The following CDR2 variants were observed in gnomAD, a reference collection of about 807,000 sequenced individuals.
The protein encoded by CDR2 is cerebellar degeneration related protein 2.
In CDR2, 34 loss-of-function variants were observed where a neutral mutation model predicts 48.4. The observed-to-expected ratio is 0.70, with a 90% CI of 0.53 to 0.94. The LOEUF (loss-of-function observed/expected upper bound fraction) is 0.94. Ranked by LOEUF, CDR2 falls within the 40% of genes least tolerant of loss-of-function variation. CDR2 has a pLI of 0.00. For missense variants in CDR2, 498 were observed against 549.5 expected (o/e 0.91, Z 0.94); for synonymous variants, 240 against 219.7 (o/e 1.09, Z -0.82).
At chr16:22,373,906 C>T (rs547957385) in intron 1 of CDR2, among the ~76,000 whole-genome samples, 8 of 152,362 alleles carry the variant, frequency 5.3e-5, no homozygotes, top group Admixed American at 5.2e-4. Context: ...GACACACTGG[C>T]TCACCCGGGT....
At chr16:22,368,509 C>T (rs1285053503) in intron 1 of CDR2, among the ~76,000 whole-genome samples, 3 of 152,212 alleles carry the variant, frequency 2.0e-5, no homozygotes, top group Non-Finnish European at 4.4e-5. Context: ...CTGCCCCCAG[C>T]CTACTTTTTG....
intron 1 of CDR2, among the ~76,000 whole-genome samples, chr16:22,371,793 C>G (rs376947023): frequency 6.6e-6 from 1 of 151,714 alleles, no homozygotes; most frequent in South Asian, 2.1e-4. Context: ...ACTGTGATAA[C>G]GTAACAGCCC....
Position 22,374,487 on chromosome 16 carries a change from G to C in CDR2, c.-178C>G, listed in dbSNP as rs2049105194. On this transcript the variant is annotated 5_prime_UTR_variant, in exon 1 of 5. Coordinates refer to ENST00000268383, the MANE Select transcript of CDR2 (RefSeq NM_001802.2). ...TCCCGCCGGCGGCCGCCGACCGGCC[G>C]GCTGCCTCGACTCGCCTCGCGCCTA... 2 of 249,992 alleles carry C rather than the reference G, an allele frequency of 8.0e-6. No homozygotes were observed. The highest frequency in any genetic ancestry group is 1.6e-4 in the East Asian group (2 of 12,378). 15.5% of individuals were successfully genotyped at this position (249,992 alleles called of 1,614,324 possible). A position where few individuals can be genotyped will look rare whatever the true frequency, so the allele number is the denominator to read the frequency against.
chr16:22,362,894 A>G (rs1400156037), intron 2 of CDR2, among the ~76,000 whole-genome samples: 2 of 150,600 alleles, frequency 1.3e-5, no homozygotes, highest in Non-Finnish European at 3.0e-5. Context: ...GCCTAGTTTA[A>G]TAGTTTTTAA....
rs2048907490 is a variant in CDR2, at chr16:22,346,745, AGTTT to A, written c.*216_*219del. ...CTAATCAGCGCGCCAGCCAGAGGCC[AGTTT>A]GTCATGGGATTTCCTGGGGAGCTTA... On this transcript the variant is annotated 3_prime_UTR_variant, in exon 5 of 5. Transcript: ENST00000268383. 4 of 576,994 alleles carry A rather than the reference AGTTT, an allele frequency of 6.9e-6. No homozygotes were observed. Among genetic ancestry groups the A allele is most frequent in the Non-Finnish European group, 1.2e-5 (4 of 325,380 alleles). 35.7% of individuals were successfully genotyped at this position (576,994 alleles called of 1,614,324 possible).
chr16:22,347,971 C>G (rs531006298), intron 4 of CDR2, 148 bp from the exon 5 acceptor site: 5 of 754,570 alleles, frequency 6.6e-6, no homozygotes, highest in Non-Finnish European at 1.0e-5. Flanking sequence ...CGGAGTCTCA[C>G]TTTGTCGCCA....
At chr16:22,353,075 A>C (rs2048952960) in intron 2 of CDR2, among the ~76,000 whole-genome samples, 1 of 152,234 alleles carries the variant, frequency 6.6e-6, no homozygotes, top group African/African-American at 2.4e-5. Flanking sequence ...AAATGTTTCA[A>C]GCTTCTTTAT....
At position 22,374,336 on chromosome 16, in the gene CDR2, GC is replaced by G; in HGVS notation, c.-28del. On this transcript the variant is annotated 5_prime_UTR_variant, in exon 1 of 5. Transcript: ENST00000268383. ...TCGGCTGGGTCTTCTAGGGGCAGCG[GC>G]CCCCGCCGCCGTCCCGCCTCAGCCG... is the stretch of plus-strand genomic sequence containing the variant. 2.0e-6 allele frequency: 3 copies of G among 1,520,996 alleles called. No individual in the cohort carries two copies. The highest frequency in any genetic ancestry group is 2.5e-5 in the East Asian group (1 of 40,012). 94.2% of individuals were successfully genotyped at this position (1,520,996 alleles called of 1,614,324 possible). A position where few individuals can be genotyped will look rare whatever the true frequency, so the allele number is the denominator to read the frequency against.
chr16:22,347,640 G>C lies in CDR2; in HGVS notation c.690C>G (p.Asn230Lys), dbSNP rs781299895. Residue 230 changes from asparagine to lysine, a missense_variant, in exon 5 of 5, where the codon AAC becomes AAG. Asn to Lys is a moderately conservative substitution (Grantham distance 94). Coordinates refer to ENST00000268383, the MANE Select transcript of CDR2 (RefSeq NM_001802.2). Reference sequence around the variant, plus strand: ...CCCCCAGCTGCTGCTCCAGTTCACTGTTCTCCTTTAACACGAGCCCATATT... The same window carrying C: ...CCCCCAGCTGCTGCTCCAGTTCACTCTTCTCCTTTAACACGAGCCCATATT... ...EEEYGLVLKE[N>K]SELEQQLGAT... The C allele has an allele frequency of 1.2e-6, 2 of 1,614,140 alleles. No individual in the cohort carries two copies. The highest frequency in any genetic ancestry group is 4.5e-5 in the East Asian group (2 of 44,880).
chr16:22,360,959 A>G (rs1407331244), intron 2 of CDR2, among the ~76,000 whole-genome samples: 2 of 151,970 alleles, frequency 1.3e-5, no homozygotes, highest in Non-Finnish European at 2.9e-5. Context: ...CATGTTGGCC[A>G]GGCTGGTCTC....
intron 1 of CDR2, among the ~76,000 whole-genome samples, chr16:22,365,789 G>T (rs905797793): frequency 6.6e-6 from 1 of 152,174 alleles, no homozygotes; most frequent in Admixed American, 6.5e-5. Flanking sequence ...GACACTAGTT[G>T]TAACATACGT....
intron 2 of CDR2, among the ~76,000 whole-genome samples, chr16:22,363,522 C>G (rs1331084202): frequency 6.6e-6 from 1 of 152,190 alleles, no homozygotes; most frequent in Non-Finnish European, 1.5e-5. Flanking sequence ...GTGATCACTT[C>G]TAAGGAAGGA....
chr16:22,369,354 C>T (rs2049062376), intron 1 of CDR2, among the ~76,000 whole-genome samples: 1 of 151,860 alleles, frequency 6.6e-6, no homozygotes, highest in Non-Finnish European at 1.5e-5. Context: ...TCCAGACTGT[C>T]TTGAGACTAT....
intron 2 of CDR2, among the ~76,000 whole-genome samples, chr16:22,357,928 T>C (rs1388971660): frequency 6.6e-6 from 1 of 152,248 alleles, no homozygotes; most frequent in Non-Finnish European, 1.5e-5. Flanking sequence ...ATCTAAAGAA[T>C]GTCAAGGAGC....
intron 2 of CDR2, among the ~76,000 whole-genome samples, chr16:22,359,327 A>G (rs1433326126): frequency 6.6e-6 from 1 of 152,074 alleles, no homozygotes; most frequent in Non-Finnish European, 1.5e-5. Flanking sequence ...GGGTTTCGCC[A>G]TCTTGGCCAG....
Position 22,349,333 on chromosome 16 carries a change from T to G in CDR2, c.452A>C (p.Gln151Pro), listed in dbSNP as rs1209515439. 1 of 1,614,220 alleles carries G rather than the reference T, an allele frequency of 6.2e-7. No homozygotes were observed. Among genetic ancestry groups the G allele is most frequent in the Non-Finnish European group, 8.5e-7 (1 of 1,180,042 alleles). ...QGRRSPGKCD[Q>P]EKPAPSFACL... ...TGCAAAGCTGGGTGCCGGTTTCTCCTGGTCACACTTTCCCGGGCTCCTTCT... is the reference window on the plus strand; with the variant it reads ...TGCAAAGCTGGGTGCCGGTTTCTCCGGGTCACACTTTCCCGGGCTCCTTCT... Residue 151 changes from glutamine to proline, a missense_variant, in exon 4 of 5, where the codon CAG becomes CCG. Transcript: ENST00000268383.
In CDR2 at chr16:22,374,372, G is replaced by C. The variant is rs1179096897; in HGVS notation, c.-63C>G. Reference sequence around the variant, plus strand: ...CGTCCCGCCTCAGCCGCTGCCCCGGGCTCTTCCCCGGCCCCTCCGCCCTCA... The same window carrying C: ...CGTCCCGCCTCAGCCGCTGCCCCGGCCTCTTCCCCGGCCCCTCCGCCCTCA... On this transcript the variant is annotated 5_prime_UTR_variant, in exon 1 of 5. Transcript: ENST00000268383. 8.2e-7 allele frequency: 1 copy of C among 1,218,152 alleles called. No individual in the cohort carries two copies. The highest frequency in any genetic ancestry group is 1.2e-6 in the Non-Finnish European group (1 of 853,480). The allele number at this position is 1,218,152 out of a possible 1,614,324, so 75.5% of individuals were successfully genotyped here.
intron 1 of CDR2, among the ~76,000 whole-genome samples, chr16:22,368,121 T>C (rs1441519425): frequency 6.6e-6 from 1 of 152,184 alleles, no homozygotes; most frequent in East Asian, 1.9e-4. Context: ...TTCCATTAAA[T>C]CTATGAAATA....
chr16:22,352,108 C>T (rs1241531585), intron 2 of CDR2, among the ~76,000 whole-genome samples: 1 of 152,146 alleles, frequency 6.6e-6, no homozygotes, highest in Non-Finnish European at 1.5e-5. Context: ...AAAAATTAGT[C>T]CGGCGTGGTG....
Sources: gnomAD v4.1 joint callset for allele counts (sites outside exome capture counted in the v4.1 genomes callset) on GRCh38, gnomAD v4.1.1 for gene constraint, MANE v1.5 for transcripts, NCBI Gene and HGNC (gene_info 2026-07-23, HGNC 2026-07-21) for gene names.